Variants in ACOXL observed in about 807,000 individuals in gnomAD.
The protein encoded by ACOXL is acyl-CoA oxidase like.
In ACOXL, 70 loss-of-function variants were observed where a neutral mutation model predicts 71.9. That is an observed-to-expected ratio of 0.97 (90% confidence interval 0.80 to 1.19). The LOEUF is 1.19. ACOXL is among the 50% of genes most tolerant of loss of function. The pLI is 0.00. For missense variants in ACOXL, 703 were observed against 736.3 expected, an observed-to-expected ratio of 0.95 and a Z score of 0.52; for synonymous variants, 253 against 281.6, an observed-to-expected ratio of 0.90 and a Z score of 1.02.
At chr2:110,876,501 G>A (rs1369143749) in intron 10 of ACOXL, among the ~76,000 whole-genome samples, 1 of 152,190 alleles carries the variant, frequency 6.6e-6, no homozygotes, top group Non-Finnish European at 1.5e-5. Flanking sequence ...GCCTGTTCCA[G>A]GAGCCCGTCT....
At position 110,900,086 on chromosome 2, in the gene ACOXL, TACACACACACACACACACACAC is replaced by T. The variant is rs60758688; in HGVS notation, c.789-8680_789-8659del. Among the ~76,000 whole-genome samples, 176 of 143,326 alleles carry T rather than the reference TACACACACACACACACACACAC, an allele frequency of 1.2e-3. No individual in the cohort carries two copies. The Middle Eastern group carries it at 0.017, about 14-fold the overall frequency. 94.0% of individuals were successfully genotyped at this position (143,326 alleles called of 152,430 possible). On this transcript the variant is annotated intron_variant, in intron 10 of 17. Transcript: ENST00000439055. ...GAAAGCTTTTCAACACACACACACA[TACACACACACACACACACACAC>T]ACACACACACACACACACACACTTC...
At chr2:110,841,291 CG>C in intron 9 of ACOXL, 79 bp from the exon 10 acceptor site, 1 of 1,012,914 alleles carries the variant, frequency 9.9e-7, no homozygotes. Context: ...CGTAATTGGC[CG>C]TATCAAGTTA....
chr2:111,053,176 G>A (rs80350499), intron 16 of ACOXL, among the ~76,000 whole-genome samples: 1,956 of 152,182 alleles, frequency 0.013, 16 homozygotes, highest in Non-Finnish European at 0.018. Context: ...GAAAATTATC[G>A]ACAAGGCTGC....
intron 10 of ACOXL, among the ~76,000 whole-genome samples, chr2:110,895,823 A>T (rs535832554): frequency 8.5e-5 from 13 of 152,312 alleles, no homozygotes; most frequent in Admixed American, 5.2e-4. Context: ...AGGAATGAAA[A>T]GGAAATCAAG....
At position 110,841,527 on chromosome 2, in the gene ACOXL, G is replaced by A. The variant is rs533937310; in HGVS notation, c.788+122G>A. On this transcript the variant is annotated intron_variant, in intron 10 of 17. Coordinates refer to ENST00000439055, the MANE Select transcript of ACOXL (RefSeq NM_001142807.4). ...GTTGCTTTCCTGTGATGTCCGTGTC[G>A]CAGATGGAATTGTTCTAGTTGCTTG... 1.1e-4 allele frequency: 78 copies of A among 725,864 alleles called. 1 individual carries two copies. The highest frequency in any genetic ancestry group is 4.6e-4 in the South Asian group (26 of 56,130). 45.0% of individuals were successfully genotyped at this position (725,864 alleles called of 1,614,324 possible). A position where few individuals can be genotyped will look rare whatever the true frequency, so the allele number is the denominator to read the frequency against.
chr2:110,906,640 A>T (rs974128753), intron 10 of ACOXL, among the ~76,000 whole-genome samples: 10 of 151,888 alleles, frequency 6.6e-5, no homozygotes, highest in Non-Finnish European at 1.3e-4. Flanking sequence ...CAAAAAAGAA[A>T]ACTAAATGGT....
chr2:110,932,653 T>C (rs1042073285), intron 11 of ACOXL, among the ~76,000 whole-genome samples: 1 of 152,118 alleles, frequency 6.6e-6, no homozygotes, highest in Non-Finnish European at 1.5e-5. Context: ...GTGAAACCTT[T>C]TGTGTGTGTG....
At chr2:110,748,083 C>A (rs1168795700) in intron 1 of ACOXL, among the ~76,000 whole-genome samples, 1 of 152,128 alleles carries the variant, frequency 6.6e-6, no homozygotes, top group African/African-American at 2.4e-5. Flanking sequence ...GCGGCAGAGC[C>A]CTGGCCACGT....
intron 12 of ACOXL, among the ~76,000 whole-genome samples, chr2:110,984,767 G>T (rs1185425707): frequency 1.3e-5 from 2 of 152,332 alleles, no homozygotes; most frequent in Admixed American, 1.3e-4. Context: ...CAAGGAATTG[G>T]ACGTATTGGA....
chr2:110,994,250 A>C (rs2063297830), intron 13 of ACOXL, among the ~76,000 whole-genome samples: 1 of 152,202 alleles, frequency 6.6e-6, no homozygotes, highest in Non-Finnish European at 1.5e-5. Flanking sequence ...CAGAAACCCA[A>C]ACTTCTTAAA....
intron 2 of ACOXL, among the ~76,000 whole-genome samples, chr2:110,774,819 T>A (rs1682431624): frequency 6.6e-6 from 1 of 152,186 alleles, no homozygotes. Context: ...GAAAAACTCA[T>A]CCTAAAATTC....
chr2:110,947,242 A>G (rs76547406), intron 12 of ACOXL, among the ~76,000 whole-genome samples: 10 of 152,286 alleles, frequency 6.6e-5, no homozygotes, highest in East Asian at 1.9e-4. Context: ...CAGACTGTTG[A>G]TATTTAGTTC....
At chr2:110,895,667 T>TAGAGAGAGAG (rs3058996) in intron 10 of ACOXL, among the ~76,000 whole-genome samples, 26 of 148,488 alleles carry the variant, frequency 1.8e-4, no homozygotes, top group South Asian at 1.3e-3. Flanking sequence ...TTGAAAACAA[T>TAGAGAGAGAG]AGAGAGAGAG....
intron 10 of ACOXL, among the ~76,000 whole-genome samples, chr2:110,843,937 G>A (rs886927055): frequency 1.5e-4 from 23 of 152,230 alleles, no homozygotes; most frequent in African/African-American, 5.5e-4. Flanking sequence ...ATCTCCTGAG[G>A]CTGCCTTGCA....
intron 10 of ACOXL, among the ~76,000 whole-genome samples, chr2:110,907,956 A>G (rs964392784): frequency 2.6e-5 from 4 of 152,152 alleles, no homozygotes; most frequent in Admixed American, 2.0e-4. Flanking sequence ...ACATAGCACA[A>G]TGTATGTGTG....
At chr2:110,881,581 A>G (rs1428402532) in intron 10 of ACOXL, among the ~76,000 whole-genome samples, 1 of 152,180 alleles carries the variant, frequency 6.6e-6, no homozygotes, top group Non-Finnish European at 1.5e-5. Flanking sequence ...CAACATATTC[A>G]TCACCCTCAA....
At chr2:110,789,552 T>C (rs775413696) in intron 3 of ACOXL, among the ~76,000 whole-genome samples, 7 of 152,168 alleles carry the variant, frequency 4.6e-5, no homozygotes, top group East Asian at 1.9e-4. Context: ...CACCTTCTCA[T>C]TGTGTCCTCA....
intron 5 of ACOXL, among the ~76,000 whole-genome samples, chr2:110,797,567 G>A (rs1482536736): frequency 1.3e-5 from 2 of 152,204 alleles, no homozygotes; most frequent in South Asian, 2.1e-4. Flanking sequence ...TTATCCAAGC[G>A]TACGGTTTTG....
chr2:110,958,929 G>T (rs894100938), intron 12 of ACOXL, among the ~76,000 whole-genome samples: 1 of 152,208 alleles, frequency 6.6e-6, no homozygotes, highest in Admixed American at 6.5e-5. Flanking sequence ...GGAGCTAATG[G>T]ATCTTTTCCA....
Sources: gnomAD v4.1 joint callset for allele counts (sites outside exome capture counted in the v4.1 genomes callset) on GRCh38, gnomAD v4.1.1 for gene constraint, MANE v1.5 for transcripts, NCBI Gene and HGNC (gene_info 2026-07-23, HGNC 2026-07-21) for gene names.